Variants in AAR2 observed in about 807,000 individuals in gnomAD.
The protein encoded by AAR2 is AAR2 splicing factor, also known as protein AAR2 homolog.
Under a neutral mutation model 26.9 loss-of-function variants are expected in AAR2, and 31 were observed. The observed-to-expected ratio is 1.15, with a 90% confidence interval of 0.86 to 1.55. The LOEUF is 1.55. AAR2 is among the 40% of genes most tolerant of loss of function. The pLI is 0.00. For synonymous variants in AAR2, 188 were observed against 196.1 expected, an observed-to-expected ratio of 0.96 and a Z score of 0.34; for missense variants, 430 against 491.3, an observed-to-expected ratio of 0.88 and a Z score of 1.18.
chr20:36,253,841 A>T (rs1188357617), intron 3 of AAR2, among the ~76,000 whole-genome samples: 1 of 152,230 alleles, frequency 6.6e-6, no homozygotes, highest in Non-Finnish European at 1.5e-5. Context: ...ATGAAAACAT[A>T]CTCAATATCC....
chr20:36,256,005 TTACACAC>T lies in AAR2; in HGVS notation c.*261_*267del. The T allele has an allele frequency of 2.1e-6, 1 of 487,112 alleles. No individual in the cohort carries two copies. 30.2% of individuals were successfully genotyped at this position (487,112 alleles called of 1,614,324 possible). A position where few individuals can be genotyped will look rare whatever the true frequency, so the allele number is the denominator to read the frequency against. On this transcript the variant is annotated 3_prime_UTR_variant, in exon 4 of 4. Transcript: ENST00000320849. Reference sequence around the variant, plus strand: ...ACCTGGCTGAATTTCACACAGGCTCTTACACACACACGCTCCTAGGAGACATCTGCCT... The same window carrying T: ...ACCTGGCTGAATTTCACACAGGCTCTACACGCTCCTAGGAGACATCTGCCT...
rs1284284059 is a variant in AAR2, at chr20:36,240,008, G to A, written c.140G>A (p.Gly47Asp). 2 of 1,614,232 alleles carry A rather than the reference G, an allele frequency of 1.2e-6. No homozygotes were observed. Among genetic ancestry groups the A allele is most frequent in the Non-Finnish European group, 1.7e-6 (2 of 1,180,036 alleles). Reference protein sequence around the residue: ...NSWEVGPKFRGVKMIPPGIHF... With the variant: ...NSWEVGPKFRDVKMIPPGIHF... Reference sequence around the variant, plus strand: ...TGGGAGGTCGGGCCCAAGTTCCGGGGCGTGAAGATGATCCCTCCAGGCATC... The same window carrying A: ...TGGGAGGTCGGGCCCAAGTTCCGGGACGTGAAGATGATCCCTCCAGGCATC... The change falls in exon 2 of 4, where the codon GGC becomes GAC. Residue 47 changes from glycine to aspartate, a missense_variant. Coordinates refer to ENST00000320849, the MANE Select transcript of AAR2 (RefSeq NM_001271874.2).
At position 36,240,459 on chromosome 20, in the gene AAR2, G is replaced by A; in HGVS notation, c.591G>A (p.Glu197=). ...AAGAGGGCCTGGCCCGGCTACCAGAGATGAAGCCCAGAGCCGGGACAGAGA... is the reference window on the plus strand; with the variant it reads ...AAGAGGGCCTGGCCCGGCTACCAGAAATGAAGCCCAGAGCCGGGACAGAGA... The part of the protein sequence containing the change: ...SYQEGLARLP[E]MKPRAGTEIR... Residue 197 remains glutamate (E), a synonymous_variant, in exon 2 of 4, where the codon GAG becomes GAA. Transcript: ENST00000320849. 1 of 1,614,212 alleles carries A rather than the reference G, an allele frequency of 6.2e-7. No homozygotes were observed. Among genetic ancestry groups the A allele is most frequent in the Non-Finnish European group, 8.5e-7 (1 of 1,180,044 alleles).
At chr20:36,240,747 G>C in intron 2 of AAR2, 122 bp downstream of exon 2, 11 of 1,311,196 alleles carry the variant, frequency 8.4e-6, no homozygotes, top group Non-Finnish European at 1.1e-5. Flanking sequence ...GGAGGCTGAA[G>C]ATACAGGTGT....
intron 3 of AAR2, among the ~76,000 whole-genome samples, chr20:36,252,167 G>A (rs183706164): frequency 2.0e-5 from 3 of 152,268 alleles, no homozygotes; most frequent in South Asian, 4.1e-4. Flanking sequence ...TGGCATTCAG[G>A]GGCCTGGTAA....
Sources: gnomAD v4.1 joint callset for allele counts (sites outside exome capture counted in the v4.1 genomes callset) on GRCh38, gnomAD v4.1.1 for gene constraint, MANE v1.5 for transcripts, NCBI Gene and HGNC (gene_info 2026-07-23, HGNC 2026-07-21) for gene names.